The following CDC26 variants were observed in gnomAD, a reference collection of about 807,000 sequenced individuals.
CDC26 encodes cell division cycle 26.
CDC26 carries 2 observed loss-of-function variants against 8.0 expected under a neutral mutation model. The observed-to-expected ratio is 0.25, with a 90% confidence interval of 0.10 to 0.79. The LOEUF is 0.79. Among genes scored for constraint, CDC26 ranks in the 30% least tolerant of loss-of-function variants. The pLI is 0.70. For synonymous variants in CDC26, 19 were observed against 34.9 expected, an observed-to-expected ratio of 0.55 and a Z score of 1.60; for missense variants, 68 against 106.0, an observed-to-expected ratio of 0.64 and a Z score of 1.57.
chr9:113,271,210 C>T (rs1032679604), intron 3 of CDC26, among the ~76,000 whole-genome samples: 6 of 152,016 alleles, frequency 3.9e-5, no homozygotes, highest in South Asian at 2.1e-4. Flanking sequence ...ATGGAAGGGA[C>T]GACTGGTTCA....
chr9:113,268,883 T>C (rs1371899800), intron 3 of CDC26, among the ~76,000 whole-genome samples: 1 of 152,152 alleles, frequency 6.6e-6, no homozygotes, highest in African/African-American at 2.4e-5. Flanking sequence ...GCCTCTCAAG[T>C]AGTTGGGACT....
intron 3 of CDC26, among the ~76,000 whole-genome samples, chr9:113,267,950 G>A (rs760104249): frequency 2.9e-4 from 44 of 152,124 alleles, no homozygotes; most frequent in Admixed American, 3.3e-4. Context: ...TGGTGCCACT[G>A]CACTCCAGCC....
At chr9:113,270,166 A>G (rs1289796972) in intron 3 of CDC26, among the ~76,000 whole-genome samples, 1 of 152,198 alleles carries the variant, frequency 6.6e-6, no homozygotes, top group African/African-American at 2.4e-5. Context: ...GGCAAAGAAA[A>G]AGAAAGGGCT....
At position 113,272,545 on chromosome 9, in the gene CDC26, T is replaced by A. The variant is rs1831975317; in HGVS notation, c.-38A>T. ...ACTAAGGGCCAAACCCAGTGAACTA[T>A]TAGCTGTTAAAAATGAAAGAGAGGA... is the stretch of plus-strand genomic sequence containing the variant. On this transcript the variant is annotated 5_prime_UTR_variant, in exon 3 of 4. It removes the in-frame stop codon of an upstream open reading frame in the 5' UTR. Transcript: ENST00000374206. 2 of 1,467,448 alleles carry A rather than the reference T, an allele frequency of 1.4e-6. No homozygotes were observed. Among genetic ancestry groups the A allele is most frequent in the African/African-American group, 1.4e-5 (1 of 71,980 alleles). 90.9% of individuals were successfully genotyped at this position (1,467,448 alleles called of 1,614,324 possible).
At chr9:113,272,689 G>GT in intron 2 of CDC26, 141 bp from the exon 3 acceptor site, 3 of 399,060 alleles carry the variant, frequency 7.5e-6, no homozygotes, top group South Asian at 2.4e-5. Flanking sequence ...GACTTCTAAA[G>GT]TCTTTTTTTT....
chr9:113,270,212 G>C (rs1831932051), intron 3 of CDC26, among the ~76,000 whole-genome samples: 1 of 152,210 alleles, frequency 6.6e-6, no homozygotes, highest in Admixed American at 6.5e-5. Flanking sequence ...TAGGCACTGA[G>C]ATTAAAGATA....
rs1564237177 is a variant in CDC26, at chr9:113,275,540, G to T, written c.-310C>A. 5.6e-6 allele frequency: 3 copies of T among 540,190 alleles called. No homozygotes were observed. The highest frequency in any genetic ancestry group is 9.9e-6 in the Non-Finnish European group (3 of 303,724). 33.5% of individuals were successfully genotyped at this position (540,190 alleles called of 1,614,324 possible). A position where few individuals can be genotyped will look rare whatever the true frequency, so the allele number is the denominator to read the frequency against. On this transcript the variant is annotated 5_prime_UTR_variant, in exon 1 of 4. Coordinates refer to ENST00000374206, the MANE Select transcript of CDC26 (RefSeq NM_139286.4). Reference sequence around the variant, plus strand: ...TTTTCCTGGAGGTTCTAGGAGGGATGCCCCTCAATGCCACGACGCCATTTC... The same window carrying T: ...TTTTCCTGGAGGTTCTAGGAGGGATTCCCCTCAATGCCACGACGCCATTTC...
At chr9:113,272,262 TA>T (rs751562625) in intron 3 of CDC26, among the ~76,000 whole-genome samples, 164 bp downstream of exon 3, 3 of 151,776 alleles carry the variant, frequency 2.0e-5, no homozygotes, top group African/African-American at 7.3e-5. Flanking sequence ...CTACTAAAAA[TA>T]AAAAAATGAG....
chr9:113,274,892 T>TC (rs980911290), intron 1 of CDC26, among the ~76,000 whole-genome samples: 55 of 152,278 alleles, frequency 3.6e-4, no homozygotes, highest in Admixed American at 1.0e-3. Flanking sequence ...TTTGAGGATC[T>TC]CCCACCGCCC....
chr9:113,273,126 A>C (rs1831986117), intron 2 of CDC26, among the ~76,000 whole-genome samples: 1 of 152,274 alleles, frequency 6.6e-6, no homozygotes, highest in Admixed American at 6.5e-5. Context: ...ATTCTAGGCA[A>C]CCATCACTTT....
rs1831882231 is a variant in CDC26 at position 113,267,513 on chromosome 9, T to G, written c.82-74A>C. 2.6e-6 allele frequency: 4 copies of G among 1,514,206 alleles called. No individual in the cohort carries two copies. In the South Asian group the frequency reaches 3.9e-5, roughly 15 times the overall value. 93.8% of individuals were successfully genotyped at this position (1,514,206 alleles called of 1,614,324 possible). On this transcript the variant is annotated intron_variant, in intron 3 of 3. Transcript: ENST00000374206. ...AAATGTTTATTTAGAACACCTACCA[T>G]GTACTAGGCATGGGCTAAATGATAG...
chr9:113,270,651 G>C (rs1831939805), intron 3 of CDC26, among the ~76,000 whole-genome samples: 1 of 152,176 alleles, frequency 6.6e-6, no homozygotes, highest in African/African-American at 2.4e-5. Flanking sequence ...AAGAAAGGGA[G>C]CACTCCAGGC....
chr9:113,275,560 C>T lies in CDC26; in HGVS notation c.-330G>A. ...GGGATGCCCCTCAATGCCACGACGC[C>T]ATTTCCTACTACGACTTCCATCATG... On this transcript the variant is annotated 5_prime_UTR_variant, in exon 1 of 4. The change abolishes an upstream ATG in the 5' untranslated region. Coordinates refer to ENST00000374206, the MANE Select transcript of CDC26 (RefSeq NM_139286.4). 3.4e-6 allele frequency: 2 copies of T among 589,868 alleles called. No homozygotes were observed. The highest frequency in any genetic ancestry group is 5.8e-6 in the Non-Finnish European group (2 of 342,428). The allele number at this position is 589,868 out of a possible 1,614,324, so 36.5% of individuals were successfully genotyped here.
intron 3 of CDC26, among the ~76,000 whole-genome samples, chr9:113,269,116 G>C (rs1304339885): frequency 1.3e-5 from 2 of 152,168 alleles, no homozygotes; most frequent in African/African-American, 2.4e-5. Context: ...AGTTATTCAG[G>C]GGGCCTGATG....
At chr9:113,271,085 G>A (rs774815045) in intron 3 of CDC26, among the ~76,000 whole-genome samples, 3 of 152,130 alleles carry the variant, frequency 2.0e-5, no homozygotes, top group Non-Finnish European at 4.4e-5. Context: ...AGAATCAAAG[G>A]GTCTACAGAC....
In CDC26 at chr9:113,274,537, A is replaced by G. The variant is rs560954830; in HGVS notation, c.-152+845T>C. Among the ~76,000 whole-genome samples the G allele has an allele frequency of 4.5e-4, 59 of 131,948 alleles. No individual in the cohort carries two copies. The South Asian group carries it at 5.9e-3, about 13-fold the overall frequency. The allele number at this position is 131,948 out of a possible 152,430, so 86.6% of individuals were successfully genotyped here. On this transcript the variant is annotated intron_variant, in intron 1 of 3. Transcript: ENST00000374206. ...AGGGATAGGGATACCTAAAAGGGGG[A>G]AAAAAAAATCTATACATTTTACCTT...
chr9:113,267,724 C>T (rs1271919046), intron 3 of CDC26, among the ~76,000 whole-genome samples: 2 of 152,078 alleles, frequency 1.3e-5, no homozygotes, highest in Non-Finnish European at 2.9e-5. Context: ...CACGGTGGCT[C>T]ACATCTGTAA....
intron 1 of CDC26, among the ~76,000 whole-genome samples, chr9:113,273,969 G>T (rs1167170598): frequency 4.6e-5 from 7 of 152,066 alleles, no homozygotes; most frequent in Non-Finnish European, 1.0e-4. Context: ...TCTGTTGATG[G>T]CATCATTTGT....
intron 3 of CDC26, among the ~76,000 whole-genome samples, chr9:113,269,668 T>C (rs927451182): frequency 6.6e-6 from 1 of 152,242 alleles, no homozygotes. Context: ...TTCAGCATGC[T>C]AGCATTTTAT....
Sources: allele counts gnomAD v4.1 joint callset (sites outside exome capture counted in the v4.1 genomes callset), GRCh38; gene constraint gnomAD v4.1.1; transcripts MANE v1.5; gene names NCBI Gene and HGNC (gene_info 2026-07-23, HGNC 2026-07-21).